The following XPR1 variants were observed in gnomAD, a reference collection of about 807,000 sequenced individuals.
The protein encoded by XPR1 is solute carrier family 53 member 1.
In XPR1, 28 loss-of-function variants were observed where a neutral mutation model predicts 87.5. The ratio of observed to expected loss-of-function variants is 0.32; its 90% confidence interval spans 0.24 to 0.44. The LOEUF is 0.44. Among genes scored for constraint, XPR1 ranks in the 20% least tolerant of loss-of-function variants. XPR1 has a pLI of 1.00. For missense variants in XPR1, 559 were observed against 862.3 expected (o/e 0.65, Z 4.41); for synonymous variants, 300 against 306.1 (o/e 0.98, Z 0.21).
intron 1 of XPR1, among the ~76,000 whole-genome samples, chr1:180,661,116 T>C (rs1021142156): frequency 6.6e-6 from 1 of 152,202 alleles, no homozygotes; most frequent in African/African-American, 2.4e-5. Flanking sequence ...TATCTATTCT[T>C]ATATTTTTTG....
At chr1:180,672,645 C>G (rs1258605772) in intron 1 of XPR1, among the ~76,000 whole-genome samples, 1 of 152,062 alleles carries the variant, frequency 6.6e-6, no homozygotes, top group Non-Finnish European at 1.5e-5. Context: ...TTAGATGTAA[C>G]TGACTTGTAC....
intron 2 of XPR1, among the ~76,000 whole-genome samples, chr1:180,783,450 G>A (rs1161887039): frequency 6.6e-6 from 1 of 151,880 alleles, no homozygotes; most frequent in Non-Finnish European, 1.5e-5. Flanking sequence ...AATAAGTGAA[G>A]ATAGCAAAAT....
intron 6 of XPR1, 108 bp from the exon 7 acceptor site, chr1:180,811,299 T>G: frequency 1.1e-6 from 1 of 894,434 alleles, no homozygotes. Flanking sequence ...ACATTAAATA[T>G]TATTTTCATG....
intron 2 of XPR1, among the ~76,000 whole-genome samples, chr1:180,708,717 A>T (rs1248663205): frequency 6.6e-6 from 1 of 152,134 alleles, no homozygotes; most frequent in Non-Finnish European, 1.5e-5. Flanking sequence ...TTGAAATATC[A>T]TGCAACTAAA....
At chr1:180,656,529 A>ATTATATATAATAT (rs1655520310) in intron 1 of XPR1, among the ~76,000 whole-genome samples, 1 of 88,368 alleles carries the variant, frequency 1.1e-5, no homozygotes, top group South Asian at 2.5e-4. Flanking sequence ...ATATTTATAT[A>ATTATATATAATAT]TTATATATAA....
intron 2 of XPR1, among the ~76,000 whole-genome samples, chr1:180,756,653 TTTCA>T (rs1424339244): frequency 6.6e-6 from 1 of 152,220 alleles, no homozygotes; most frequent in African/African-American, 2.4e-5. Context: ...CTCATTTTTC[TTTCA>T]TTCATTGTGC....
In XPR1 at chr1:180,776,535, G is replaced by A. The variant is rs186508140; in HGVS notation, c.122-11218G>A. 4.4e-3 allele frequency among the ~76,000 whole-genome samples: 670 copies of A among 151,818 alleles called. 3 individuals carry two copies. The highest frequency in any genetic ancestry group is 0.015 in the African/African-American group (640 of 41,444). The stretch of plus-strand genomic sequence containing the variant: ...ATTTTAAAATGTAAATGATTGCAGG[G>A]TACCAGAAATTACATTGTTTATAAT... On this transcript the variant is annotated intron_variant, in intron 2 of 14. Coordinates refer to ENST00000367590, the MANE Select transcript of XPR1 (RefSeq NM_004736.4).
At chr1:180,736,368 G>A (rs1658731524) in intron 2 of XPR1, among the ~76,000 whole-genome samples, 1 of 152,136 alleles carries the variant, frequency 6.6e-6, no homozygotes, top group Non-Finnish European at 1.5e-5. Context: ...TCTTTTAAGG[G>A]TTTGCAGCTT....
chr1:180,653,512 G>T (rs769160025), intron 1 of XPR1, among the ~76,000 whole-genome samples: 1 of 152,034 alleles, frequency 6.6e-6, no homozygotes, highest in African/African-American at 2.4e-5. Context: ...CAATTATTGG[G>T]CAAGGTACAG....
At chr1:180,852,970 A>G (rs899371670) in intron 11 of XPR1, among the ~76,000 whole-genome samples, 1 of 152,126 alleles carries the variant, frequency 6.6e-6, no homozygotes, top group Admixed American at 6.6e-5. Context: ...TTTGGAATGT[A>G]TCCCCCACAG....
chr1:180,774,408 G>C (rs1239703272), intron 2 of XPR1, among the ~76,000 whole-genome samples: 1 of 47,168 alleles, frequency 2.1e-5, no homozygotes, highest in Non-Finnish European at 4.2e-5. Context: ...TTTTTTTTTT[G>C]AGATGGAAGT....
Position 180,704,245 on chromosome 1 carries a change from GATATATATATAT to G in XPR1, c.121+21855_121+21866del, listed in dbSNP as rs35751561. On this transcript the variant is annotated intron_variant, in intron 2 of 14. Transcript: ENST00000367590. ...TTTCTCAAGAACACTATAGGTGCTG[GATATATATATAT>G]ATATATATATATATATATATTATCA... is the stretch of plus-strand genomic sequence containing the variant. Among the ~76,000 whole-genome samples, 36 of 66,028 alleles carry G rather than the reference GATATATATATAT, an allele frequency of 5.5e-4. 2 individuals carry two copies. In the South Asian group the frequency reaches 6.4e-3, roughly 12 times the overall value. 43.3% of individuals were successfully genotyped at this position (66,028 alleles called of 152,430 possible). A position where few individuals can be genotyped will look rare whatever the true frequency, so the allele number is the denominator to read the frequency against.
chr1:180,726,221 A>G (rs1450586206), intron 2 of XPR1, among the ~76,000 whole-genome samples: 1 of 152,176 alleles, frequency 6.6e-6, no homozygotes, highest in Non-Finnish European at 1.5e-5. Context: ...TATAAAATGG[A>G]CCAGTCAGCA....
Position 180,884,236 on chromosome 1 carries a change from C to A in XPR1, c.*170C>A, listed in dbSNP as rs566774270. 5 of 492,074 alleles carry A rather than the reference C, an allele frequency of 1.0e-5. No individual in the cohort carries two copies. In the South Asian group the frequency reaches 1.5e-4, roughly 15 times the overall value. 30.5% of individuals were successfully genotyped at this position (492,074 alleles called of 1,614,324 possible). A position where few individuals can be genotyped will look rare whatever the true frequency, so the allele number is the denominator to read the frequency against. The stretch of plus-strand genomic sequence containing the variant: ...GACTCCAAACAAGCTCACTGTGTTT[C>A]TTTTCTTTTCTTCTGGTTTAATTTT... On this transcript the variant is annotated 3_prime_UTR_variant, in exon 15 of 15. Coordinates refer to ENST00000367590, the MANE Select transcript of XPR1 (RefSeq NM_004736.4).
chr1:180,828,402 T>G (rs1650938175), intron 9 of XPR1, among the ~76,000 whole-genome samples: 1 of 152,200 alleles, frequency 6.6e-6, no homozygotes, highest in Non-Finnish European at 1.5e-5. Context: ...TCCTTAAATC[T>G]ATATTTACCT....
At chr1:180,745,521 C>T (rs1263838260) in intron 2 of XPR1, among the ~76,000 whole-genome samples, 2 of 152,218 alleles carry the variant, frequency 1.3e-5, no homozygotes, top group Non-Finnish European at 2.9e-5. Context: ...CCTGTTACTA[C>T]TGTTCTCACT....
intron 2 of XPR1, among the ~76,000 whole-genome samples, chr1:180,715,401 A>G (rs1036276706): frequency 1.3e-5 from 2 of 152,176 alleles, no homozygotes; most frequent in Non-Finnish European, 2.9e-5. Context: ...CTTAGAATGG[A>G]TAAGGATCTT....
At chr1:180,791,435 C>A (rs1649375126) in intron 3 of XPR1, among the ~76,000 whole-genome samples, 1 of 152,142 alleles carries the variant, frequency 6.6e-6, no homozygotes, top group Non-Finnish European at 1.5e-5. Context: ...CCACACCTGG[C>A]TAATTTTTTA....
chr1:180,761,019 G>C lies in XPR1; in HGVS notation c.122-26734G>C, dbSNP rs1449543967. Among the ~76,000 whole-genome samples the C allele has an allele frequency of 2.0e-5, 3 of 152,126 alleles. 1 individual carries two copies. The highest frequency in any genetic ancestry group is 2.0e-4 in the Admixed American group (3 of 15,268). On this transcript the variant is annotated intron_variant, in intron 2 of 14. Coordinates refer to ENST00000367590, the MANE Select transcript of XPR1 (RefSeq NM_004736.4). ...TGACAAAAACAAGCAATGGGGAAAG[G>C]ATTCCCTATTTAATAAATGGTGCTG...
Sources: allele counts gnomAD v4.1 joint callset (sites outside exome capture counted in the v4.1 genomes callset), GRCh38; gene constraint gnomAD v4.1.1; transcripts MANE v1.5; gene names NCBI Gene and HGNC (gene_info 2026-07-23, HGNC 2026-07-21).